WDR89: variants seen among roughly 807,000 people sequenced by gnomAD.
The protein encoded by WDR89 is WD repeat domain 89.
A neutral mutation model predicts 29.1 loss-of-function variants in WDR89; 17 were observed. The ratio of observed to expected loss-of-function variants is 0.58; its 90% CI spans 0.40 to 0.88. WDR89 has a LOEUF of 0.88. WDR89 is among the 40% of genes least tolerant of loss of function. The pLI, the probability that WDR89 is intolerant of heterozygous loss-of-function variation, is 0.00. For synonymous variants in WDR89, 138 were observed against 157.8 expected, an observed-to-expected ratio of 0.87 and a Z score of 0.94; for missense variants, 396 against 456.3, an observed-to-expected ratio of 0.87 and a Z score of 1.20.
rs772266993 is a variant in WDR89, at chr14:63,599,988, A to G, written c.-31-15T>C. The G allele has an allele frequency of 2.3e-6, 3 of 1,308,364 alleles. No individual in the cohort carries two copies. The South Asian group carries it at 7.0e-5, about 30-fold the overall frequency. The allele number at this position is 1,308,364 out of a possible 1,614,324, so 81.0% of individuals were successfully genotyped here. A position where few individuals can be genotyped will look rare whatever the true frequency, so the allele number is the denominator to read the frequency against. On this transcript the variant is annotated splice_polypyrimidine_tract_variant and intron_variant, in intron 2 of 2. Coordinates refer to ENST00000620954, the MANE Select transcript of WDR89 (RefSeq NM_080666.4). ...GTAGTAAAACTCTGTAAAAAATAAT[A>G]ATAATAAAAATAAAAATTAATGCTT...
intron 1 of WDR89, among the ~76,000 whole-genome samples, chr14:63,631,952 A>C (rs1374995688): frequency 6.6e-6 from 1 of 151,820 alleles, no homozygotes; most frequent in Non-Finnish European, 1.5e-5. Flanking sequence ...TCTCTACTAA[A>C]AACAGAAAAA....
Position 63,599,427 on chromosome 14 carries a change from A to C in WDR89, c.516T>G (p.Asp172Glu). ...LGAYSETHSD[D>E]VTQVRFHPSN... ...TGGGATGGAAACGTACTTGAGTGAC[A>C]TCATCACTATGTGTCTCTGAATATG... Residue 172 changes from aspartate to glutamate, a missense_variant, in exon 3 of 3, where the codon GAT (aspartate) becomes GAG (glutamate). Transcript: ENST00000620954. The C allele has an allele frequency of 6.2e-7, 1 of 1,614,210 alleles. No homozygotes were observed. The highest frequency in any genetic ancestry group is 8.5e-7 in the Non-Finnish European group (1 of 1,180,022).
chr14:63,639,357 C>CAAAA (rs777712423), intron 1 of WDR89, among the ~76,000 whole-genome samples: 1 of 64,706 alleles, frequency 1.5e-5, no homozygotes, highest in Non-Finnish European at 3.3e-5. Flanking sequence ...TCATCTCTAC[C>CAAAA]AAAAAAAAAA....
At chr14:63,615,745 C>T (rs1381589911) in intron 2 of WDR89, among the ~76,000 whole-genome samples, 7 of 151,864 alleles carry the variant, frequency 4.6e-5, no homozygotes, top group East Asian at 3.9e-4. Flanking sequence ...GCCAACATGG[C>T]GAAACCTGTC....
chr14:63,622,532 G>A (rs1882768008), intron 2 of WDR89, among the ~76,000 whole-genome samples: 1 of 152,194 alleles, frequency 6.6e-6, no homozygotes, highest in Non-Finnish European at 1.5e-5. Flanking sequence ...AGTGAGCCGA[G>A]ACCATGCCAT....
At chr14:63,618,731 AG>A (rs1315428960) in intron 2 of WDR89, among the ~76,000 whole-genome samples, 8 of 152,300 alleles carry the variant, frequency 5.3e-5, no homozygotes, top group African/African-American at 1.9e-4. Flanking sequence ...TTCAGCAAAA[AG>A]GATAGCAAAA....
intron 1 of WDR89, among the ~76,000 whole-genome samples, chr14:63,629,141 A>G (rs1264735726): frequency 6.6e-6 from 1 of 152,148 alleles, no homozygotes; most frequent in Non-Finnish European, 1.5e-5. Flanking sequence ...ATTAAACATC[A>G]GTGTTAGGCA....
chr14:63,611,355 AAAAAGCTTTAAGATC>A (rs1881978238), intron 2 of WDR89, among the ~76,000 whole-genome samples: 1 of 151,106 alleles, frequency 6.6e-6, no homozygotes, highest in Non-Finnish European at 1.5e-5. Context: ...AAAAAAAAAA[AAAAAGCTTTAAGATC>A]ATGAAAAAGA....
At position 63,641,849 on chromosome 14, in the gene WDR89, G is replaced by C. The variant is rs1274473788; in HGVS notation, c.-183C>G. 2.0e-5 allele frequency: 3 copies of C among 152,300 alleles called. No individual in the cohort carries two copies. Among genetic ancestry groups the C allele is most frequent in the Non-Finnish European group, 4.4e-5 (3 of 68,114 alleles). 9.4% of individuals were successfully genotyped at this position (152,300 alleles called of 1,614,324 possible). A position where few individuals can be genotyped will look rare whatever the true frequency, so the allele number is the denominator to read the frequency against. ...CCGGAGAAAACGCAGGCTGCGCGGC[G>C]GCTTAGAGCGGTCAAGTGGAACCCC... is the stretch of plus-strand genomic sequence containing the variant. On this transcript the variant is annotated 5_prime_UTR_variant, in exon 1 of 3. Transcript: ENST00000620954.
At chr14:63,640,487 CT>C (rs147475625) in intron 1 of WDR89, among the ~76,000 whole-genome samples, 74 of 149,838 alleles carry the variant, frequency 4.9e-4, no homozygotes, top group African/African-American at 9.6e-4. Context: ...GTTTTATTGA[CT>C]TTTTTTTTTC....
At chr14:63,621,789 A>G (rs1469289963) in intron 2 of WDR89, 4 of 152,184 alleles carry the variant, frequency 2.6e-5, no homozygotes, top group African/African-American at 7.2e-5. Context: ...AGTTATCCCA[A>G]CTGATTGCTC....
intron 2 of WDR89, chr14:63,618,138 T>C (rs1360516943): frequency 6.6e-6 from 1 of 152,098 alleles, no homozygotes; most frequent in Non-Finnish European, 1.5e-5. Context: ...AAACATTCCA[T>C]ATTTTTAGAG....
At chr14:63,639,141 C>G (rs1883928955) in intron 1 of WDR89, among the ~76,000 whole-genome samples, 1 of 152,166 alleles carries the variant, frequency 6.6e-6, no homozygotes, top group African/African-American at 2.4e-5. Flanking sequence ...TTTCTTCTCA[C>G]AGCCTCCAGA....
At chr14:63,603,216 CCTT>C (rs1895157795) in intron 2 of WDR89, among the ~76,000 whole-genome samples, 1 of 152,198 alleles carries the variant, frequency 6.6e-6, no homozygotes, top group East Asian at 1.9e-4. Flanking sequence ...ACACAGTTCA[CCTT>C]CTAGGTTCAC....
chr14:63,599,281 C>T lies in WDR89; in HGVS notation c.662G>A (p.Cys221Tyr). The T allele has an allele frequency of 6.2e-7, 1 of 1,613,578 alleles. No homozygotes were observed. The highest frequency in any genetic ancestry group is 8.5e-7 in the Non-Finnish European group (1 of 1,179,726). Reference sequence around the variant, plus strand: ...ATAACCTTTCCCAGACCAACCAATACAGCTTACTGATGAAATTGAGTTACA... The same window carrying T: ...ATAACCTTTCCCAGACCAACCAATATAGCTTACTGATGAAATTGAGTTACA... The part of the protein sequence containing the change: ...TTCNSISSVS[C>Y]IGWSGKGYKQ... Residue 221 changes from cysteine (C) to tyrosine (Y), a missense_variant, in exon 3 of 3, where the codon TGT becomes TAT. Transcript: ENST00000620954.
chr14:63,640,256 G>GAA (rs749129194), intron 1 of WDR89, among the ~76,000 whole-genome samples: 30 of 152,168 alleles, frequency 2.0e-4, no homozygotes, highest in Non-Finnish European at 3.5e-4. Context: ...TTGAAAAGCA[G>GAA]AAACAGTCAC....
At chr14:63,601,884 A>T (rs1159895909) in intron 2 of WDR89, 2 of 591,128 alleles carry the variant, frequency 3.4e-6, no homozygotes, top group African/African-American at 3.7e-5. Flanking sequence ...ATCTTTCATC[A>T]TGTAAATAAT....
chr14:63,629,139 T>C (rs906860846), intron 1 of WDR89, among the ~76,000 whole-genome samples: 3 of 152,152 alleles, frequency 2.0e-5, no homozygotes, highest in South Asian at 2.1e-4. Flanking sequence ...TAATTAAACA[T>C]CAGTGTTAGG....
intron 1 of WDR89, among the ~76,000 whole-genome samples, chr14:63,631,117 C>A (rs978722140): frequency 1.3e-5 from 2 of 152,140 alleles, no homozygotes; most frequent in African/African-American, 4.8e-5. Flanking sequence ...GTTCTCACCA[C>A]AAAGTGATCA....
Sources: allele counts gnomAD v4.1 joint callset (sites outside exome capture counted in the v4.1 genomes callset), GRCh38; gene constraint gnomAD v4.1.1; transcripts MANE v1.5; gene names NCBI Gene and HGNC (gene_info 2026-07-23, HGNC 2026-07-21).